Variants in DCDC1 observed in about 807,000 individuals in gnomAD.
DCDC1 encodes doublecortin domain-containing protein 1.
A neutral mutation model predicts 178.3 loss-of-function variants in DCDC1; 200 were observed. That is an observed-to-expected ratio of 1.12 (90% confidence interval 1.00 to 1.26). The LOEUF (loss-of-function observed/expected upper bound fraction) is 1.26. DCDC1 is among the 50% of genes most tolerant of loss of function. The pLI is 0.00. For missense variants in DCDC1, 1,983 were observed against 1,749.2 expected (o/e 1.13, Z -2.38); for synonymous variants, 690 against 604.8 (o/e 1.14, Z -2.07).
At chr11:31,215,157 C>G in intron 9 of DCDC1, 1 of 253,954 alleles carries the variant, frequency 3.9e-6, no homozygotes, top group South Asian at 4.1e-5. Context: ...CTTAGAAGTG[C>G]AGTGGCTCAC....
At chr11:31,091,553 A>G (rs1957824119) in intron 16 of DCDC1, 42 bp from the exon 17 acceptor site, 1 of 703,626 alleles carries the variant, frequency 1.4e-6, no homozygotes, top group South Asian at 1.5e-5. Flanking sequence ...TAAATAAGTT[A>G]AAAGAACCAG....
chr11:31,214,699 G>A (rs1973319061), intron 9 of DCDC1, among the ~76,000 whole-genome samples: 1 of 152,106 alleles, frequency 6.6e-6, no homozygotes, highest in African/African-American at 2.4e-5. Context: ...CCTTAAATTG[G>A]TCTTTAGAAA....
At chr11:31,353,516 A>G (rs1187745262) in intron 1 of DCDC1, among the ~76,000 whole-genome samples, 1 of 152,194 alleles carries the variant, frequency 6.6e-6, no homozygotes, top group Non-Finnish European at 1.5e-5. Flanking sequence ...ATTGGTGACA[A>G]TGCCTAAATA....
chr11:30,933,333 G>A (rs1014150843), intron 21 of DCDC1, among the ~76,000 whole-genome samples: 2 of 151,640 alleles, frequency 1.3e-5, no homozygotes, highest in Non-Finnish European at 2.9e-5. Flanking sequence ...CTCTATATTA[G>A]GTTAAGAAAT....
At chr11:31,328,663 C>T (rs1337203671) in intron 2 of DCDC1, among the ~76,000 whole-genome samples, 1 of 151,644 alleles carries the variant, frequency 6.6e-6, no homozygotes, top group Non-Finnish European at 1.5e-5. Context: ...AATAAATTAG[C>T]CGGGTGTGGT....
intron 9 of DCDC1, among the ~76,000 whole-genome samples, chr11:31,181,622 G>A (rs1433019088): frequency 2.0e-5 from 3 of 152,148 alleles, no homozygotes; most frequent in Admixed American, 6.5e-5. Flanking sequence ...TGCAGCAGAG[G>A]GGCCTGACTG....
At chr11:31,134,798 C>G (rs1157131357) in intron 10 of DCDC1, among the ~76,000 whole-genome samples, 2 of 152,132 alleles carry the variant, frequency 1.3e-5, no homozygotes, top group Admixed American at 1.3e-4. Flanking sequence ...AGTTCAAGAC[C>G]AGCCTGGGCA....
chr11:31,117,320 G>C (rs1219990444), intron 11 of DCDC1, among the ~76,000 whole-genome samples: 6 of 151,726 alleles, frequency 4.0e-5, no homozygotes, highest in Non-Finnish European at 7.4e-5. Context: ...CTTCAAACAG[G>C]GTAGATCCTA....
intron 20 of DCDC1, among the ~76,000 whole-genome samples, chr11:30,971,968 T>C (rs1949827311): frequency 6.6e-6 from 1 of 152,154 alleles, no homozygotes; most frequent in African/African-American, 2.4e-5. Flanking sequence ...AAACAAAGTC[T>C]ACATTACATA....
intron 18 of DCDC1, among the ~76,000 whole-genome samples, chr11:31,065,873 C>G (rs959771295): frequency 2.6e-5 from 4 of 152,146 alleles, no homozygotes; most frequent in Non-Finnish European, 5.9e-5. Context: ...AGCTACTGGT[C>G]AAGTGACTCA....
intron 7 of DCDC1, among the ~76,000 whole-genome samples, chr11:31,283,950 C>T (rs1298524552): frequency 2.0e-5 from 3 of 148,796 alleles, no homozygotes; most frequent in African/African-American, 4.9e-5. Flanking sequence ...TCTCTCTTCT[C>T]TCTCTCTCAC....
intron 20 of DCDC1, among the ~76,000 whole-genome samples, chr11:30,990,543 A>G (rs16921639): frequency 0.051 from 7,731 of 152,258 alleles, 651 homozygotes; most frequent in African/African-American, 0.17. Flanking sequence ...AGACACTCAG[A>G]AATAACCAGG....
chr11:31,010,668 T>C (rs1047877722), intron 20 of DCDC1, among the ~76,000 whole-genome samples: 4 of 152,218 alleles, frequency 2.6e-5, no homozygotes, highest in Non-Finnish European at 5.9e-5. Context: ...AAGGTCACTT[T>C]ATGGTGTGTC....
intron 10 of DCDC1, among the ~76,000 whole-genome samples, chr11:31,128,047 A>C (rs569690740): frequency 6.6e-6 from 1 of 152,058 alleles, no homozygotes; most frequent in Admixed American, 6.6e-5. Context: ...CTTCCTTTTT[A>C]GAATATTTTA....
chr11:30,885,292 T>C (rs1052976227), intron 36 of DCDC1, among the ~76,000 whole-genome samples: 1 of 150,534 alleles, frequency 6.6e-6, no homozygotes, highest in African/African-American at 2.4e-5. Context: ...AAAAATTAGA[T>C]GAAAAAGCAG....
intron 9 of DCDC1, among the ~76,000 whole-genome samples, chr11:31,199,162 T>C (rs565555191): frequency 3.7e-4 from 56 of 152,166 alleles, no homozygotes; most frequent in African/African-American, 1.2e-3. Flanking sequence ...GAGCATCCAT[T>C]GGCGCAATCA....
At chr11:31,300,960 G>T (rs191961632) in intron 6 of DCDC1, among the ~76,000 whole-genome samples, 1 of 152,100 alleles carries the variant, frequency 6.6e-6, no homozygotes, top group East Asian at 1.9e-4. Flanking sequence ...CCAGCCACAC[G>T]CAGGCTATAG....
intron 10 of DCDC1, among the ~76,000 whole-genome samples, chr11:31,133,269 T>C (rs1331690277): frequency 6.6e-6 from 1 of 152,162 alleles, no homozygotes; most frequent in Non-Finnish European, 1.5e-5. Context: ...CCAGAGCACT[T>C]TGCACAGAAC....
intron 9 of DCDC1, among the ~76,000 whole-genome samples, chr11:31,158,041 T>G (rs1179594754): frequency 6.6e-6 from 1 of 152,184 alleles, no homozygotes; most frequent in Non-Finnish European, 1.5e-5. Flanking sequence ...TTTTTTGCAA[T>G]GAGAACACCT....
Sources: allele counts gnomAD v4.1 joint callset (sites outside exome capture counted in the v4.1 genomes callset), GRCh38; gene constraint gnomAD v4.1.1; transcripts MANE v1.5; gene names NCBI Gene and HGNC (gene_info 2026-07-23, HGNC 2026-07-21).